SHOC2: variants seen among roughly 807,000 people sequenced by gnomAD.
SHOC2 encodes SHOC2 leucine rich repeat scaffold protein, also known as leucine-rich repeat protein SHOC-2.
In SHOC2, 4 loss-of-function variants were observed where a neutral mutation model predicts 50.2. That is an observed-to-expected ratio of 0.08 (90% CI 0.04 to 0.18). The LOEUF (loss-of-function observed/expected upper bound fraction) is 0.18, where lower values mean the gene tolerates loss of function less well. SHOC2 is among the 10% of genes least tolerant of loss of function. The probability of loss-of-function intolerance (pLI) is 1.00; values close to 1 mark genes in which losing one functional copy is unlikely to be tolerated. For missense variants in SHOC2, 388 were observed against 669.6 expected, an observed-to-expected ratio of 0.58 and a Z score of 4.64; for synonymous variants, 218 against 244.5, an observed-to-expected ratio of 0.89 and a Z score of 1.01.
At chr10:110,947,361 A>T (rs1847265087) in intron 1 of SHOC2, among the ~76,000 whole-genome samples, 1 of 152,264 alleles carries the variant, frequency 6.6e-6, no homozygotes, top group Non-Finnish European at 1.5e-5. Flanking sequence ...TATGCCAGCC[A>T]TGCTGTCCGG....
intron 1 of SHOC2, among the ~76,000 whole-genome samples, chr10:110,957,232 G>A (rs1847481367): frequency 6.6e-6 from 1 of 152,164 alleles, no homozygotes; most frequent in African/African-American, 2.4e-5. Flanking sequence ...GGTTAGAATA[G>A]TGCCCTGAAT....
intron 4 of SHOC2, 49 bp from the exon 5 acceptor site, chr10:111,004,557 G>A: frequency 1.5e-6 from 2 of 1,357,918 alleles, no homozygotes; most frequent in South Asian, 2.3e-5. Flanking sequence ...TATAAAAAAT[G>A]AGTCTCATCA....
chr10:111,010,809 A>G (rs1001912472), intron 8 of SHOC2, among the ~76,000 whole-genome samples: 1 of 152,246 alleles, frequency 6.6e-6, no homozygotes, highest in Non-Finnish European at 1.5e-5. Context: ...AATAAAGATG[A>G]TAATAGGAAG....
intron 3 of SHOC2, among the ~76,000 whole-genome samples, chr10:110,997,549 A>G (rs552951358): frequency 3.7e-4 from 57 of 152,066 alleles, no homozygotes; most frequent in Non-Finnish European, 4.6e-4. Context: ...CCAACTTAAC[A>G]TCATACCTGA....
At chr10:110,970,942 T>G (rs1847770066) in intron 2 of SHOC2, among the ~76,000 whole-genome samples, 1 of 152,024 alleles carries the variant, frequency 6.6e-6, no homozygotes, top group Admixed American at 6.5e-5. Context: ...TGCTGTTGAG[T>G]TCTTGTATAT....
intron 2 of SHOC2, among the ~76,000 whole-genome samples, chr10:110,978,759 C>G (rs1847920515): frequency 6.6e-6 from 1 of 152,174 alleles, no homozygotes; most frequent in African/African-American, 2.4e-5. Context: ...GTGATTTCCT[C>G]CTTTACAGAG....
At chr10:110,990,110 C>G (rs1326278989) in intron 3 of SHOC2, among the ~76,000 whole-genome samples, 3 of 152,256 alleles carry the variant, frequency 2.0e-5, no homozygotes, top group African/African-American at 7.2e-5. Context: ...AATTCTTAGT[C>G]TTAGAAAAAC....
chr10:110,923,432 T>C (rs1186646372), intron 1 of SHOC2, among the ~76,000 whole-genome samples: 1 of 152,156 alleles, frequency 6.6e-6, no homozygotes. Flanking sequence ...GTCTCAACTT[T>C]TTAACACAGC....
chr10:111,001,394 G>A (rs943930241), intron 4 of SHOC2, among the ~76,000 whole-genome samples: 5 of 151,868 alleles, frequency 3.3e-5, no homozygotes, highest in Non-Finnish European at 5.9e-5. Flanking sequence ...ACCTCCAGTG[G>A]TCCACCCTCC....
At chr10:110,994,439 T>C (rs1208937210) in intron 3 of SHOC2, among the ~76,000 whole-genome samples, 2 of 152,218 alleles carry the variant, frequency 1.3e-5, no homozygotes, top group Non-Finnish European at 2.9e-5. Context: ...TATTTTCACA[T>C]GTGCACAAAG....
At chr10:111,008,592 A>G (rs141799154) in intron 6 of SHOC2, among the ~76,000 whole-genome samples, 133 of 152,168 alleles carry the variant, frequency 8.7e-4, no homozygotes, top group African/African-American at 3.1e-3. Context: ...GCAAATAGTA[A>G]AATCAAGTGG....
chr10:110,974,191 G>T (rs1170891541), intron 2 of SHOC2, among the ~76,000 whole-genome samples: 1 of 151,830 alleles, frequency 6.6e-6, no homozygotes, highest in Admixed American at 6.6e-5. Flanking sequence ...ACAAATTTTG[G>T]CAGGTTATCT....
At chr10:110,974,789 T>C (rs1211345978) in intron 2 of SHOC2, among the ~76,000 whole-genome samples, 5 of 152,166 alleles carry the variant, frequency 3.3e-5, no homozygotes, top group Non-Finnish European at 7.4e-5. Flanking sequence ...ACACCTTTAT[T>C]TCCCTCCTTC....
At chr10:110,991,697 G>C (rs185642384) in intron 3 of SHOC2, among the ~76,000 whole-genome samples, 5 of 152,226 alleles carry the variant, frequency 3.3e-5, no homozygotes, top group African/African-American at 1.2e-4. Flanking sequence ...TTGAGGTTTG[G>C]TGGGAAACTT....
chr10:110,993,591 A>C (rs1414450625), intron 3 of SHOC2, among the ~76,000 whole-genome samples: 2 of 152,162 alleles, frequency 1.3e-5, no homozygotes. Context: ...TAGATCCAAG[A>C]AAGGTGGAGG....
chr10:110,956,201 T>A (rs1048965916), intron 1 of SHOC2, among the ~76,000 whole-genome samples: 1 of 152,124 alleles, frequency 6.6e-6, no homozygotes, highest in African/African-American at 2.4e-5. Flanking sequence ...TCTTTTTTTT[T>A]TTGAGACGGA....
At chr10:110,954,443 C>T (rs1289414361) in intron 1 of SHOC2, among the ~76,000 whole-genome samples, 1 of 152,082 alleles carries the variant, frequency 6.6e-6, no homozygotes, top group Non-Finnish European at 1.5e-5. Context: ...CAGCTAGCTT[C>T]TTTGCAGCAG....
chr10:110,991,829 G>C (rs1474377959), intron 3 of SHOC2, among the ~76,000 whole-genome samples: 1 of 152,100 alleles, frequency 6.6e-6, no homozygotes, highest in African/African-American at 2.4e-5. Flanking sequence ...TTGAATTATG[G>C]TTCTCCTGAT....
intron 1 of SHOC2, among the ~76,000 whole-genome samples, chr10:110,958,942 A>C (rs1318606455): frequency 6.6e-6 from 1 of 152,124 alleles, no homozygotes; most frequent in Non-Finnish European, 1.5e-5. Flanking sequence ...CATTTATGCA[A>C]CATTCTGTAA....
Sources: gnomAD v4.1 joint callset for allele counts (sites outside exome capture counted in the v4.1 genomes callset) on GRCh38, gnomAD v4.1.1 for gene constraint, MANE v1.5 for transcripts, NCBI Gene and HGNC (gene_info 2026-07-23, HGNC 2026-07-21) for gene names.